The following WASHC3 variants were observed in gnomAD, a reference collection of about 807,000 sequenced individuals.
The protein encoded by WASHC3 is WASH complex subunit CCDC53.
Under a neutral mutation model 26.1 loss-of-function variants are expected in WASHC3, and 24 were observed. The ratio of observed to expected loss-of-function variants is 0.92; its 90% confidence interval spans 0.66 to 1.29. WASHC3 has a LOEUF of 1.29. WASHC3 is among the 50% of genes most tolerant of loss of function. The pLI, the probability that WASHC3 is intolerant of heterozygous loss-of-function variation, is 0.00. For synonymous variants in WASHC3, 77 were observed against 75.7 expected (o/e 1.02, Z -0.09); for missense variants, 214 against 229.6 (o/e 0.93, Z 0.44).
At chr12:102,022,783 T>C (rs1321428331) in intron 6 of WASHC3, among the ~76,000 whole-genome samples, 1 of 152,172 alleles carries the variant, frequency 6.6e-6, no homozygotes, top group Admixed American at 6.6e-5. Flanking sequence ...GGTGAAACTT[T>C]TTTCTTTTTT....
intron 2 of WASHC3, among the ~76,000 whole-genome samples, chr12:102,060,104 C>T (rs1878741741): frequency 6.6e-6 from 1 of 152,188 alleles, no homozygotes; most frequent in African/African-American, 2.4e-5. Context: ...ACACACTTAA[C>T]AAAAACTCTA....
intron 5 of WASHC3, among the ~76,000 whole-genome samples, chr12:102,037,670 A>G (rs1877724164): frequency 6.6e-6 from 1 of 152,218 alleles, no homozygotes; most frequent in Non-Finnish European, 1.5e-5. Flanking sequence ...CAGGGGAGCT[A>G]AACTGTATAG....
chr12:102,035,066 T>G (rs141889826), intron 5 of WASHC3, among the ~76,000 whole-genome samples: 2,070 of 152,206 alleles, frequency 0.014, 18 homozygotes, highest in Middle Eastern at 0.031. Context: ...TGGGGCATAC[T>G]TTTTAGCTAC....
chr12:102,022,815 A>G (rs752768329), intron 6 of WASHC3, among the ~76,000 whole-genome samples: 2 of 152,218 alleles, frequency 1.3e-5, no homozygotes. Flanking sequence ...AAACCTAGGC[A>G]ATGATTGAAA....
chr12:102,015,970 A>G (rs1277215813), intron 6 of WASHC3, among the ~76,000 whole-genome samples: 1 of 149,242 alleles, frequency 6.7e-6, no homozygotes, highest in Non-Finnish European at 1.5e-5. Flanking sequence ...GCTCACTGAA[A>G]CCTCTGCCTT....
At chr12:102,013,985 T>G (rs947897217) in intron 6 of WASHC3, among the ~76,000 whole-genome samples, 1 of 152,060 alleles carries the variant, frequency 6.6e-6, no homozygotes, top group Non-Finnish European at 1.5e-5. Context: ...TTAGCCTCTA[T>G]TCACTCTTAC....
rs549278737 is a variant in WASHC3 at position 102,036,087 on chromosome 12, T to TGGTG, written c.435+3777_435+3780dup. On this transcript the variant is annotated intron_variant, in intron 5 of 6. Coordinates refer to ENST00000240079, the MANE Select transcript of WASHC3 (RefSeq NM_016053.4). Reference sequence around the variant, plus strand: ...AAAGAATGGAGTTCAGGGCTGGGTGTGGTGGCTCACGCCTGTAATCCCAGC... The same window carrying TGGTG: ...AAAGAATGGAGTTCAGGGCTGGGTGTGGTGGGTGGCTCACGCCTGTAATCCCAGC... 3.0e-4 allele frequency among the ~76,000 whole-genome samples: 46 copies of TGGTG among 152,302 alleles called. No individual in the cohort carries two copies. The East Asian group carries it at 8.3e-3, about 27-fold the overall frequency.
chr12:102,055,701 G>A (rs1594372743), intron 2 of WASHC3, among the ~76,000 whole-genome samples: 1 of 152,136 alleles, frequency 6.6e-6, no homozygotes, highest in African/African-American at 2.4e-5. Flanking sequence ...GATATATTCA[G>A]AACAGAAGTT....
At chr12:102,051,081 T>A (rs530339017) in intron 2 of WASHC3, among the ~76,000 whole-genome samples, 67 of 152,382 alleles carry the variant, frequency 4.4e-4, no homozygotes, top group African/African-American at 1.6e-3. Context: ...TTCTCTTTAA[T>A]GAAGAACTCT....
rs756152598 is a variant in WASHC3 at position 102,013,188 on chromosome 12, G to C, written c.505C>G (p.Pro169Ala). The change falls in exon 7 of 7, where the codon CCA becomes GCA. Residue 169 changes from proline to alanine, a missense_variant. By Grantham distance (27) the Pro-to-Ala change is conservative. Coordinates refer to ENST00000240079, the MANE Select transcript of WASHC3 (RefSeq NM_016053.4). ...EGLDPDLLER[P>A]DAPVPDGESE... ...TCGCCATCAGGCACTGGAGCATCTG[G>C]CCTCCTAAAAGAAAAGAAAAAAAAA... 5.9e-6 allele frequency: 9 copies of C among 1,513,014 alleles called. No individual in the cohort carries two copies. Among genetic ancestry groups the C allele is most frequent in the Non-Finnish European group, 7.2e-6 (8 of 1,113,862 alleles). 93.7% of individuals were successfully genotyped at this position (1,513,014 alleles called of 1,614,324 possible).
At chr12:102,035,347 G>C (rs1050579772) in intron 5 of WASHC3, among the ~76,000 whole-genome samples, 4 of 152,194 alleles carry the variant, frequency 2.6e-5, no homozygotes, top group African/African-American at 9.6e-5. Context: ...AATTCTGGTA[G>C]TGATTATGCC....
At chr12:102,033,453 G>C (rs567618468) in intron 5 of WASHC3, among the ~76,000 whole-genome samples, 14 of 152,238 alleles carry the variant, frequency 9.2e-5, no homozygotes, top group South Asian at 4.1e-4. Flanking sequence ...AGATGATACT[G>C]AGTGAAAGTA....
intron 2 of WASHC3, 84 bp from the exon 3 acceptor site, chr12:102,046,203 A>C (rs1383916672): frequency 1.1e-5 from 8 of 759,736 alleles, no homozygotes; most frequent in Non-Finnish European, 1.8e-5. Context: ...AAAATATTAA[A>C]AACCATTAAA....
chr12:102,036,805 T>C (rs1431795676), intron 5 of WASHC3, among the ~76,000 whole-genome samples: 4 of 151,926 alleles, frequency 2.6e-5, no homozygotes, highest in African/African-American at 9.7e-5. Flanking sequence ...ACAGAAAAAT[T>C]TGTCTTAAAT....
At chr12:102,061,177 C>T in intron 2 of WASHC3, 71 bp downstream of exon 2, 1 of 981,736 alleles carries the variant, frequency 1.0e-6, no homozygotes, top group Non-Finnish European at 1.6e-6. Flanking sequence ...TCTTGTTTTA[C>T]TCCATTTGTC....
chr12:102,029,655 G>A (rs1378907774), intron 5 of WASHC3, among the ~76,000 whole-genome samples: 1 of 152,122 alleles, frequency 6.6e-6, no homozygotes, highest in Non-Finnish European at 1.5e-5. Flanking sequence ...ATTTAAGAGA[G>A]ATAAATGACT....
intron 2 of WASHC3, among the ~76,000 whole-genome samples, chr12:102,052,608 G>A (rs1316535660): frequency 6.6e-6 from 1 of 151,936 alleles, no homozygotes; most frequent in Non-Finnish European, 1.5e-5. Flanking sequence ...TAGCCTCCAT[G>A]GGCCCAAGGT....
intron 4 of WASHC3, among the ~76,000 whole-genome samples, chr12:102,043,161 C>T (rs1878010119): frequency 6.6e-6 from 1 of 152,146 alleles, no homozygotes; most frequent in African/African-American, 2.4e-5. Context: ...GGGGTGGAGC[C>T]TGAGATGCTT....
intron 3 of WASHC3, among the ~76,000 whole-genome samples, chr12:102,045,412 G>C (rs1594365476): frequency 6.6e-6 from 1 of 151,760 alleles, no homozygotes; most frequent in Admixed American, 6.6e-5. Context: ...GTTTTATTTT[G>C]GTAAATGGAC....
Sources: allele counts gnomAD v4.1 joint callset (sites outside exome capture counted in the v4.1 genomes callset), GRCh38; gene constraint gnomAD v4.1.1; transcripts MANE v1.5; gene names NCBI Gene and HGNC (gene_info 2026-07-23, HGNC 2026-07-21).